NECTIN1: variants seen among roughly 807,000 people sequenced by gnomAD.
NECTIN1 encodes nectin cell adhesion molecule 1.
NECTIN1 carries 23 observed loss-of-function variants against 48.0 expected under a neutral mutation model. The observed-to-expected ratio is 0.48, with a 90% CI of 0.34 to 0.68. The LOEUF (loss-of-function observed/expected upper bound fraction) is 0.68, where lower values mean the gene tolerates loss of function less well. Ranked by LOEUF, NECTIN1 falls within the 30% of genes least tolerant of loss-of-function variation. The pLI, the probability that NECTIN1 is intolerant of heterozygous loss-of-function variation, is 0.01. For synonymous variants in NECTIN1, 270 were observed against 288.9 expected (o/e 0.93, Z 0.66); for missense variants, 591 against 709.9 (o/e 0.83, Z 1.90).
intron 5 of NECTIN1, chr11:119,642,508 C>T (rs1864341055): frequency 6.5e-6 from 1 of 153,626 alleles, no homozygotes; most frequent in South Asian, 2.1e-4. Context: ...TCCCTGCCTC[C>T]AGGAAACTTC....
At chr11:119,719,448 G>A (rs1865793695) in intron 1 of NECTIN1, among the ~76,000 whole-genome samples, 1 of 152,220 alleles carries the variant, frequency 6.6e-6, no homozygotes, top group South Asian at 2.1e-4. Flanking sequence ...TCCTGGCTCT[G>A]CCACTTACTA....
chr11:119,674,399 G>A (rs375326738), intron 5 of NECTIN1: 324 of 1,509,502 alleles, frequency 2.1e-4, no homozygotes, highest in Non-Finnish European at 2.8e-4. Flanking sequence ...TAATAATCAC[G>A]GAACATTGGC....
chr11:119,692,953 C>T (rs1316536886), intron 1 of NECTIN1, among the ~76,000 whole-genome samples: 1 of 152,198 alleles, frequency 6.6e-6, no homozygotes, highest in Non-Finnish European at 1.5e-5. Context: ...CTGAGGCTGA[C>T]GATGGGGCTG....
chr11:119,689,913 A>G (rs1265436532), intron 1 of NECTIN1, among the ~76,000 whole-genome samples: 1 of 152,264 alleles, frequency 6.6e-6, no homozygotes, highest in African/African-American at 2.4e-5. Context: ...AGAAGAAGGT[A>G]TCTGCATAGG....
At chr11:119,687,173 A>C (rs1314361924) in intron 1 of NECTIN1, 3 of 151,916 alleles carry the variant, frequency 2.0e-5, no homozygotes, top group Admixed American at 1.3e-4. Flanking sequence ...GCCCACCTCC[A>C]ACCCCACGAC....
At chr11:119,699,269 C>A (rs762239774) in intron 1 of NECTIN1, among the ~76,000 whole-genome samples, 1 of 152,204 alleles carries the variant, frequency 6.6e-6, no homozygotes, top group Non-Finnish European at 1.5e-5. Flanking sequence ...AGTGCTGGAG[C>A]TTTGACCTGA....
At chr11:119,639,437 G>C (rs1238401180) in intron 6 of NECTIN1, 1 of 230,212 alleles carries the variant, frequency 4.3e-6, no homozygotes, top group Non-Finnish European at 8.6e-6. Context: ...TTATCCTGAT[G>C]GTTGAGGGTT....
At chr11:119,706,823 C>T (rs1326724832) in intron 1 of NECTIN1, among the ~76,000 whole-genome samples, 1 of 152,200 alleles carries the variant, frequency 6.6e-6, no homozygotes, top group Non-Finnish European at 1.5e-5. Context: ...TTATTTAATC[C>T]TCGTGAACTC....
At chr11:119,676,821 G>A (rs756365966) in intron 4 of NECTIN1, 45 of 473,962 alleles carry the variant, frequency 9.5e-5, no homozygotes, top group Admixed American at 5.3e-4. Context: ...AAAGGAAAAC[G>A]ACAAAACTCT....
chr11:119,638,134 C>A (rs187637940), exon 8 of NECTIN1: 1 of 1,613,558 alleles, frequency 6.2e-7, no homozygotes, highest in Admixed American at 1.7e-5. Flanking sequence ...TTGTCCTTAC[C>A]GAGGGGTGGT....
At chr11:119,719,912 G>A (rs1304070252) in intron 1 of NECTIN1, among the ~76,000 whole-genome samples, 2 of 152,214 alleles carry the variant, frequency 1.3e-5, no homozygotes, top group East Asian at 3.8e-4. Context: ...CACAATAGAA[G>A]TGGCTCTTGA....
intron 1 of NECTIN1, among the ~76,000 whole-genome samples, chr11:119,712,267 C>T (rs1865663215): frequency 2.0e-5 from 3 of 152,128 alleles, no homozygotes; most frequent in Non-Finnish European, 4.4e-5. Context: ...GTCCTGGTCA[C>T]GTCCCAGCCC....
rs910193947 is a variant in NECTIN1, at chr11:119,662,057, G to A, written c.*2690C>T. The stretch of plus-strand genomic sequence containing the variant: ...TCTGTAAGGAAACAGGGGCATGGGT[G>A]TGGGGTGGGGGGCAAGGACAGGGAG... On this transcript the variant is annotated 3_prime_UTR_variant, in exon 6 of 6. Coordinates refer to ENST00000264025, the MANE Select transcript of NECTIN1 (RefSeq NM_002855.5). This position sits in a 1 kb window ranked among gnomAD's most constrained non-coding sequence, Gnocchi z 5.3. 7.1e-6 allele frequency: 7 copies of A among 985,304 alleles called. No individual in the cohort carries two copies. In the African/African-American group the frequency reaches 1.2e-4, roughly 17 times the overall value. 61.0% of individuals were successfully genotyped at this position (985,304 alleles called of 1,614,324 possible).
At chr11:119,721,526 A>G (rs999290424) in intron 1 of NECTIN1, among the ~76,000 whole-genome samples, 2 of 152,252 alleles carry the variant, frequency 1.3e-5, no homozygotes, top group African/African-American at 4.8e-5. Context: ...GATCCAGGCC[A>G]GAGTGGCCAG....
Position 119,672,345 on chromosome 11 carries a change from T to C in NECTIN1, c.1003+2814A>G, listed in dbSNP as rs1864872175. Among the ~76,000 whole-genome samples the C allele has an allele frequency of 6.6e-6, 1 of 152,056 alleles. No individual in the cohort carries two copies. Among genetic ancestry groups the C allele is most frequent in the African/African-American group, 2.4e-5 (1 of 41,392 alleles). On this transcript the variant is annotated intron_variant, in intron 5 of 5. Transcript: ENST00000264025. The surrounding 1 kb of genome is among the most constrained non-coding windows in gnomAD (Gnocchi z 4.3). ...TCTGGTGGAGGCTGCACCCTGGGCCTCTCCCCACCTTGTCATTACCCCAGA... is the reference window on the plus strand; with the variant it reads ...TCTGGTGGAGGCTGCACCCTGGGCCCCTCCCCACCTTGTCATTACCCCAGA...
rs114248090 is a variant in NECTIN1, at chr11:119,643,908, G to T, written c.1004-3896C>A. Reference sequence around the variant, plus strand: ...CCTGTCCTTGCAATGATCCTGGGAGGTTGGCTATGTGCCTCTTGCTGTACT... The same window carrying T: ...CCTGTCCTTGCAATGATCCTGGGAGTTTGGCTATGTGCCTCTTGCTGTACT... On this transcript the variant is annotated intron_variant, in intron 5 of 7. Transcript: ENST00000341398. Among the ~76,000 whole-genome samples, 265 of 152,346 alleles carry T rather than the reference G, an allele frequency of 1.7e-3. 1 individual carries two copies. Among genetic ancestry groups the T allele is most frequent in the African/African-American group, 6.2e-3 (258 of 41,584 alleles).
exon 6 of NECTIN1, chr11:119,640,007 G>C: frequency 1.9e-6 from 3 of 1,611,248 alleles, no homozygotes; most frequent in Non-Finnish European, 2.5e-6. Context: ...TGGGGGCGGG[G>C]CTTTTCTGGA....
chr11:119,676,997 T>C (rs1864962379), intron 4 of NECTIN1, 105 bp downstream of exon 4: 1 of 984,858 alleles, frequency 1.0e-6, no homozygotes, highest in African/African-American at 1.6e-5. Context: ...CAGACCCTAA[T>C]TTCTTCCCTG....
chr11:119,638,249 T>C lies in NECTIN1; in HGVS notation c.1228-2A>G. ...CCTCCCTGGGTCCAGGTGGACAACC[T>C]GGAAGAGAAGGCGGTGAGTGCTGCA... is the stretch of plus-strand genomic sequence containing the variant. On this transcript the variant is annotated splice_acceptor_variant, in intron 7 of 7. Transcript: ENST00000341398. LOFTEE classifies it high-confidence loss of function. 1 of 1,613,960 alleles carries C rather than the reference T, an allele frequency of 6.2e-7. No homozygotes were observed. Among genetic ancestry groups the C allele is most frequent in the Non-Finnish European group, 8.5e-7 (1 of 1,179,992 alleles).
Sources: allele counts gnomAD v4.1 joint callset (sites outside exome capture counted in the v4.1 genomes callset), GRCh38; gene constraint gnomAD v4.1.1; non-coding constraint Gnocchi (gnomAD v3.1); transcripts MANE v1.5; gene names NCBI Gene and HGNC (gene_info 2026-07-23, HGNC 2026-07-21).